The following MAJIN variants were observed in gnomAD, a reference collection of about 807,000 sequenced individuals.
The protein encoded by MAJIN is membrane-anchored junction protein.
MAJIN carries 27 observed loss-of-function variants against 30.2 expected under a neutral mutation model. That is an observed-to-expected ratio of 0.89 (90% CI 0.66 to 1.23). The LOEUF (loss-of-function observed/expected upper bound fraction) is 1.23. MAJIN is among the 50% of genes most tolerant of loss of function. The pLI is 0.00. For missense variants in MAJIN, 253 were observed against 260.3 expected (o/e 0.97, Z 0.19); for synonymous variants, 78 against 91.6 (o/e 0.85, Z 0.85).
At chr11:64,968,693 G>A (rs1222199495) in intron 1 of MAJIN, among the ~76,000 whole-genome samples, 3 of 151,934 alleles carry the variant, frequency 2.0e-5, no homozygotes, top group South Asian at 2.1e-4. Context: ...TTAGCTGGGC[G>A]TGGTGGCGGG....
intron 10 of MAJIN, 44 bp from the exon 11 acceptor site, chr11:64,938,617 CCTT>C (rs1374581019): frequency 2.0e-6 from 3 of 1,522,104 alleles, no homozygotes; most frequent in South Asian, 2.4e-5. Context: ...TATGAGGTCT[CCTT>C]CCCTTCTCCC....
At position 64,954,798 on chromosome 11, in the gene MAJIN, C is replaced by T. The variant is rs569704739; in HGVS notation, c.106G>A (p.Glu36Lys). 1.9e-6 allele frequency: 3 copies of T among 1,611,714 alleles called. No homozygotes were observed. Among genetic ancestry groups the T allele is most frequent in the African/African-American group, 2.7e-5 (2 of 74,898 alleles). ...KIRYGKSIRG[E>K]EIENKEVITQ... The stretch of plus-strand genomic sequence containing the variant: ...ATGACTTCCTTATTTTCTATCTCTT[C>T]TCCTCTAGAAGGTAAACAGACAAGA... Residue 36 changes from glutamate (E) to lysine (K), a missense_variant, in exon 4 of 11, where the codon GAA becomes AAA. Glu to Lys is a moderately conservative substitution (Grantham distance 56, BLOSUM62 1). Coordinates refer to ENST00000301896, the MANE Select transcript of MAJIN (RefSeq NM_001037225.3).
intron 3 of MAJIN, 139 bp from the exon 4 acceptor site, chr11:64,954,941 C>T (rs1311367502): frequency 2.7e-6 from 2 of 747,880 alleles, no homozygotes; most frequent in Non-Finnish European, 4.2e-6. Flanking sequence ...TGACCCAGTG[C>T]TCATGGGGAA....
intron 6 of MAJIN, among the ~76,000 whole-genome samples, chr11:64,948,640 T>TATATATATATATATA (rs869204077): frequency 2.5e-3 from 19 of 7,536 alleles, no homozygotes; most frequent in African/African-American, 3.7e-3. Flanking sequence ...TATATATATA[T>TATATATATATATATA]TTTTTTTTTT....
chr11:64,969,481 T>A, intron 1 of MAJIN, among the ~76,000 whole-genome samples: 4 of 144,238 alleles, frequency 2.8e-5, no homozygotes, highest in Non-Finnish European at 3.0e-5. Flanking sequence ...CATGACCAGA[T>A]GGCTGTGACT....
chr11:64,944,441 T>G (rs984611057), intron 8 of MAJIN, among the ~76,000 whole-genome samples: 2 of 152,174 alleles, frequency 1.3e-5, no homozygotes, highest in Non-Finnish European at 2.9e-5. Flanking sequence ...TAGTAGACAC[T>G]CAATGAAAAT....
intron 4 of MAJIN, among the ~76,000 whole-genome samples, chr11:64,953,310 A>G (rs909749711): frequency 2.6e-5 from 4 of 152,276 alleles, no homozygotes; most frequent in Admixed American, 6.5e-5. Flanking sequence ...CACTTCTCAT[A>G]GTAATTACTC....
chr11:64,971,407 G>A (rs1418874663), intron 1 of MAJIN, among the ~76,000 whole-genome samples: 5 of 137,754 alleles, frequency 3.6e-5, no homozygotes, highest in Non-Finnish European at 7.7e-5. Context: ...CAGCCTGGGC[G>A]ACAGAGCGAG....
At chr11:64,940,527 A>T (rs747712409) in intron 9 of MAJIN, 47 bp downstream of exon 9, 7 of 1,563,192 alleles carry the variant, frequency 4.5e-6, no homozygotes, top group Non-Finnish European at 6.2e-6. Flanking sequence ...CTACAAGGGA[A>T]AGGGTGATTA....
chr11:64,971,355 A>G (rs1221798567), intron 1 of MAJIN, among the ~76,000 whole-genome samples: 1 of 142,502 alleles, frequency 7.0e-6, no homozygotes, highest in East Asian at 2.1e-4. Context: ...TGAACCCAGG[A>G]GGCGGAGGTT....
At chr11:64,951,344 T>G (rs1321590990) in intron 4 of MAJIN, among the ~76,000 whole-genome samples, 2 of 152,244 alleles carry the variant, frequency 1.3e-5, no homozygotes, top group Non-Finnish European at 2.9e-5. Flanking sequence ...ATATGCTTAT[T>G]AGTCTATACT....
At chr11:64,951,789 T>C (rs1341551909) in intron 4 of MAJIN, among the ~76,000 whole-genome samples, 1 of 146,702 alleles carries the variant, frequency 6.8e-6, no homozygotes, top group East Asian at 2.0e-4. Context: ...AAAAAAAAGA[T>C]ATTGTGTCTT....
At chr11:64,955,225 G>A (rs1365268436) in intron 3 of MAJIN, among the ~76,000 whole-genome samples, 1 of 151,670 alleles carries the variant, frequency 6.6e-6, no homozygotes, top group African/African-American at 2.4e-5. Flanking sequence ...AACAAATCTA[G>A]CCAGTTGCAC....
In MAJIN at chr11:64,939,750, T is replaced by C. The variant is rs1370405763; in HGVS notation, c.564A>G (p.Thr188=). Residue 188 remains threonine (T), a synonymous_variant, in exon 10 of 11, where the codon ACA becomes ACG. Coordinates refer to ENST00000301896, the MANE Select transcript of MAJIN (RefSeq NM_001037225.3). ...GGTGGGACAATTCGCCCTGGCAGGC[T>C]GTGTCCCCACTCAGAATCTGTAAGG... The part of the protein sequence containing the change: ...MSRNKILSGD[T]ACQGELSHPC... 5.0e-6 allele frequency: 8 copies of C among 1,613,902 alleles called. No homozygotes were observed. The highest frequency in any genetic ancestry group is 6.8e-6 in the Non-Finnish European group (8 of 1,179,870).
At chr11:64,968,108 T>C (rs952621165) in intron 1 of MAJIN, among the ~76,000 whole-genome samples, 10 of 152,004 alleles carry the variant, frequency 6.6e-5, no homozygotes, top group African/African-American at 2.2e-4. Flanking sequence ...GGCTAGAACA[T>C]TGAGAATGAA....
chr11:64,966,578 T>C (rs1023779599), intron 1 of MAJIN, among the ~76,000 whole-genome samples: 1 of 152,006 alleles, frequency 6.6e-6, no homozygotes, highest in Non-Finnish European at 1.5e-5. Context: ...ACTTTTTATA[T>C]AAAGAGGGCA....
At chr11:64,957,069 A>AT (rs796423142) in intron 3 of MAJIN, among the ~76,000 whole-genome samples, 41 of 146,396 alleles carry the variant, frequency 2.8e-4, no homozygotes, top group African/African-American at 9.0e-4. Flanking sequence ...GCCTGGCCTG[A>AT]TTTTTTTTTT....
Position 64,949,756 on chromosome 11 carries a change from T to C in MAJIN, c.336A>G (p.Glu112=), listed in dbSNP as rs138283481. The C allele has an allele frequency of 6.2e-7, 1 of 1,612,958 alleles. No homozygotes were observed. Among genetic ancestry groups the C allele is most frequent in the African/African-American group, 1.3e-5 (1 of 74,908 alleles). Reference sequence around the variant, plus strand: ...CATTCCACTTACCAGGTGACAGGTTTTCATGGAACCATTTCATCTCCACAT... The same window carrying C: ...CATTCCACTTACCAGGTGACAGGTTCTCATGGAACCATTTCATCTCCACAT... ...TLYVEMKWFH[E]NLSPGKPISD... is the part of the protein sequence containing the mutation. The change falls in exon 6 of 11, where the codon GAA becomes GAG. Residue 112 remains glutamate (E), a synonymous_variant. Transcript: ENST00000301896.
chr11:64,966,146 A>AAAAAAAAAC (rs1945805719), intron 1 of MAJIN, among the ~76,000 whole-genome samples: 1 of 50,806 alleles, frequency 2.0e-5, no homozygotes, highest in African/African-American at 7.9e-5. Flanking sequence ...ATTAAAAATG[A>AAAAAAAAAC]AAAAAAAAAA....
Sources: allele counts gnomAD v4.1 joint callset (sites outside exome capture counted in the v4.1 genomes callset), GRCh38; gene constraint gnomAD v4.1.1; transcripts MANE v1.5; gene names NCBI Gene and HGNC (gene_info 2026-07-23, HGNC 2026-07-21).